Variants in RIMKLA observed in about 807,000 individuals in gnomAD.
RIMKLA encodes the protein N-acetylaspartylglutamate synthase A.
In RIMKLA, 14 loss-of-function variants were observed where a neutral mutation model predicts 32.7. That is an observed-to-expected ratio of 0.43 (90% CI 0.28 to 0.67). The LOEUF is 0.67. Ranked by LOEUF, RIMKLA falls within the 30% of genes least tolerant of loss-of-function variation. The pLI is 0.18. For missense variants in RIMKLA, 410 were observed against 519.0 expected (o/e 0.79, Z 2.04); for synonymous variants, 176 against 204.1 (o/e 0.86, Z 1.18).
In RIMKLA at chr1:42,417,455, G is replaced by C. The variant is rs899525132; in HGVS notation, c.*2481G>C. On this transcript the variant is annotated 3_prime_UTR_variant, in exon 5 of 5. Transcript: ENST00000431473. Reference sequence around the variant, plus strand: ...GCCTGCTGAAGGAACATGGGGTGTAGAGCCAGAGCCTGGTTCTGGTTCTCC... The same window carrying C: ...GCCTGCTGAAGGAACATGGGGTGTACAGCCAGAGCCTGGTTCTGGTTCTCC... 2 of 152,260 alleles carry C rather than the reference G, an allele frequency of 1.3e-5. No homozygotes were observed. The highest frequency in any genetic ancestry group is 4.8e-5 in the African/African-American group (2 of 41,458). The allele number at this position is 152,260 out of a possible 1,614,324, so 9.4% of individuals were successfully genotyped here. A position where few individuals can be genotyped will look rare whatever the true frequency, so the allele number is the denominator to read the frequency against.
chr1:42,383,334 C>A (rs920051228), intron 1 of RIMKLA, among the ~76,000 whole-genome samples: 4 of 152,194 alleles, frequency 2.6e-5, no homozygotes, highest in African/African-American at 9.6e-5. Flanking sequence ...ACGATTAGAT[C>A]ACCAATTCTG....
chr1:42,389,284 G>T (rs533167254), intron 1 of RIMKLA, among the ~76,000 whole-genome samples: 19 of 152,358 alleles, frequency 1.2e-4, no homozygotes, highest in Admixed American at 5.9e-4. Flanking sequence ...CAGGAAAAAG[G>T]CTTGGCTTGG....
In RIMKLA at chr1:42,418,153, T is replaced by C. The variant is rs1389059255; in HGVS notation, c.*3179T>C. The C allele has an allele frequency of 6.6e-6, 1 of 152,220 alleles. No individual in the cohort carries two copies. Among genetic ancestry groups the C allele is most frequent in the Admixed American group, 6.5e-5 (1 of 15,282 alleles). The allele number at this position is 152,220 out of a possible 1,614,324, so 9.4% of individuals were successfully genotyped here. A position where few individuals can be genotyped will look rare whatever the true frequency, so the allele number is the denominator to read the frequency against. On this transcript the variant is annotated 3_prime_UTR_variant, in exon 5 of 5. Coordinates refer to ENST00000431473, the MANE Select transcript of RIMKLA (RefSeq NM_173642.4). ...TCTTGTATACCAACTAACAAAGTCT[T>C]CCTTATGTAACATAGATTGCAGTGT...
chr1:42,399,729 C>G, intron 2 of RIMKLA, 95 bp downstream of exon 2: 1 of 762,956 alleles, frequency 1.3e-6, no homozygotes, highest in East Asian at 2.7e-5. Context: ...GAATGTGAGT[C>G]TGTTGATTCA....
At position 42,423,576 on chromosome 1, in the gene RIMKLA, C is replaced by T. The variant is rs1643313003; in HGVS notation, c.*8602C>T. On this transcript the variant is annotated 3_prime_UTR_variant, in exon 5 of 5. Transcript: ENST00000431473. ...CTCTTGACGGTGGCTCTGGCAGAAA[C>T]CATGCTGCAGGGGCACAGGTGGAGA... Among the ~76,000 whole-genome samples the T allele has an allele frequency of 6.6e-6, 1 of 152,210 alleles. No homozygotes were observed. The highest frequency in any genetic ancestry group is 1.5e-5 in the Non-Finnish European group (1 of 68,036).
chr1:42,422,136 T>A lies in RIMKLA; in HGVS notation c.*7162T>A, dbSNP rs1447299028. On this transcript the variant is annotated 3_prime_UTR_variant, in exon 5 of 5. Transcript: ENST00000431473. ...AGAAGAAACTGATACACGTGAGCAC[T>A]GAAACATCTTAGTTCCAGGGAGGTA... is the stretch of plus-strand genomic sequence containing the variant. 1 of 152,250 alleles carries A rather than the reference T, an allele frequency of 6.6e-6. No individual in the cohort carries two copies. The highest frequency in any genetic ancestry group is 2.4e-5 in the African/African-American group (1 of 41,464). 9.4% of individuals were successfully genotyped at this position (152,250 alleles called of 1,614,324 possible).
Position 42,419,875 on chromosome 1 carries a change from A to T in RIMKLA, c.*4901A>T, listed in dbSNP as rs1643280704. ...AGCTTATTTGGCTCCAATTCGGCTG[A>T]TGTTCCCTCACTGCAGAATGTCCTG... On this transcript the variant is annotated 3_prime_UTR_variant, in exon 5 of 5. Transcript: ENST00000431473. 1.3e-5 allele frequency: 2 copies of T among 152,236 alleles called. No individual in the cohort carries two copies. The highest frequency in any genetic ancestry group is 4.8e-5 in the African/African-American group (2 of 41,460). The allele number at this position is 152,236 out of a possible 1,614,324, so 9.4% of individuals were successfully genotyped here.
At chr1:42,398,626 T>G (rs192118578) in intron 1 of RIMKLA, among the ~76,000 whole-genome samples, 2 of 152,160 alleles carry the variant, frequency 1.3e-5, no homozygotes, top group Non-Finnish European at 2.9e-5. Flanking sequence ...TTATATCCTG[T>G]TTTTTCACTT....
chr1:42,405,297 T>C (rs189229388), intron 3 of RIMKLA, among the ~76,000 whole-genome samples: 24 of 152,370 alleles, frequency 1.6e-4, no homozygotes, highest in Admixed American at 1.0e-3. Flanking sequence ...AGCAGAGTGC[T>C]ATACTTTGTA....
At chr1:42,413,402 G>A (rs1283291391) in intron 4 of RIMKLA, among the ~76,000 whole-genome samples, 1 of 150,326 alleles carries the variant, frequency 6.7e-6, no homozygotes, top group Non-Finnish European at 1.5e-5. Flanking sequence ...TCGGCAGGCT[G>A]AGGCAAGAGG....
intron 2 of RIMKLA, among the ~76,000 whole-genome samples, chr1:42,404,147 G>C (rs1306591276): frequency 2.0e-5 from 3 of 152,208 alleles, no homozygotes; most frequent in East Asian, 3.9e-4. Flanking sequence ...CATATTCATT[G>C]GTCCCTTCCA....
intron 3 of RIMKLA, among the ~76,000 whole-genome samples, chr1:42,405,162 T>A (rs1162889184): frequency 6.6e-6 from 1 of 152,236 alleles, no homozygotes; most frequent in African/African-American, 2.4e-5. Context: ...CTTCTGCTCA[T>A]CCTTTAAGGC....
rs926747092 is a variant in RIMKLA at position 42,388,451 on chromosome 1, T to C, written c.163+7354T>C. ...AACTGCTGGCCTCAAGTAATTCACC[T>C]ATCTCGGCCTCCCAAAGTGCTAGGA... On this transcript the variant is annotated intron_variant, in intron 1 of 4. Coordinates refer to ENST00000431473, the MANE Select transcript of RIMKLA (RefSeq NM_173642.4). 3.9e-5 allele frequency among the ~76,000 whole-genome samples: 6 copies of C among 152,076 alleles called. No homozygotes were observed. The East Asian group carries it at 1.2e-3, about 29-fold the overall frequency.
chr1:42,385,878 CTTT>C lies in RIMKLA; in HGVS notation c.163+4782_163+4784del, dbSNP rs1307043654. 5.2e-4 allele frequency among the ~76,000 whole-genome samples: 47 copies of C among 90,532 alleles called. 2 individuals carry two copies. Among genetic ancestry groups the C allele is most frequent in the African/African-American group, 1.7e-3 (43 of 24,760 alleles). The allele number at this position is 90,532 out of a possible 152,430, so 59.4% of individuals were successfully genotyped here. ...TCTTTCTTTCTTTCTTTCTTTCTTT[CTTT>C]CTTTCTTTCTTTCTTTCCTTCTTTC... On this transcript the variant is annotated intron_variant, in intron 1 of 4. Coordinates refer to ENST00000431473, the MANE Select transcript of RIMKLA (RefSeq NM_173642.4).
In RIMKLA at chr1:42,420,814, A is replaced by T. The variant is rs190726107; in HGVS notation, c.*5840A>T. On this transcript the variant is annotated 3_prime_UTR_variant, in exon 5 of 5. Coordinates refer to ENST00000431473, the MANE Select transcript of RIMKLA (RefSeq NM_173642.4). Reference sequence around the variant, plus strand: ...GATCCAGTTCAAATCCAGGTAACTTAAAGCTTGTGTGACCCAGGGACACTT... The same window carrying T: ...GATCCAGTTCAAATCCAGGTAACTTTAAGCTTGTGTGACCCAGGGACACTT... 6.6e-6 allele frequency: 1 copy of T among 152,412 alleles called. No individual in the cohort carries two copies. The highest frequency in any genetic ancestry group is 1.9e-4 in the East Asian group (1 of 5,194). The allele number at this position is 152,412 out of a possible 1,614,324, so 9.4% of individuals were successfully genotyped here. A position where few individuals can be genotyped will look rare whatever the true frequency, so the allele number is the denominator to read the frequency against.
chr1:42,383,074 CAG>C (rs1341848488), intron 1 of RIMKLA, among the ~76,000 whole-genome samples: 1 of 151,126 alleles, frequency 6.6e-6, no homozygotes, highest in African/African-American at 2.4e-5. Flanking sequence ...TTAGTAGAGA[CAG>C]AGTTTCACCA....
chr1:42,394,888 A>G (rs761253394), intron 1 of RIMKLA, among the ~76,000 whole-genome samples: 1 of 151,842 alleles, frequency 6.6e-6, no homozygotes, highest in Non-Finnish European at 1.5e-5. Context: ...AGGCGTGCAC[A>G]CCACCACGCC....
intron 4 of RIMKLA, among the ~76,000 whole-genome samples, chr1:42,411,373 G>A (rs1284501775): frequency 6.7e-6 from 1 of 150,142 alleles, no homozygotes; most frequent in Non-Finnish European, 1.5e-5. Context: ...TAAGATAATT[G>A]TGATAAAGTG....
chr1:42,396,633 C>T (rs1383753697), intron 1 of RIMKLA: 1 of 152,150 alleles, frequency 6.6e-6, no homozygotes, highest in East Asian at 1.9e-4. Flanking sequence ...TCTGTGGTCT[C>T]ATGTTGGGAT....
Sources: gnomAD v4.1 joint callset for allele counts (sites outside exome capture counted in the v4.1 genomes callset) on GRCh38, gnomAD v4.1.1 for gene constraint, MANE v1.5 for transcripts, NCBI Gene and HGNC (gene_info 2026-07-23, HGNC 2026-07-21) for gene names.